The following MCHR2 variants were observed in gnomAD, a reference collection of about 807,000 sequenced individuals.
MCHR2 encodes melanin concentrating hormone receptor 2, also known as melanin-concentrating hormone receptor 2.
MCHR2 carries 15 observed loss-of-function variants against 24.8 expected under a neutral mutation model. That is an observed-to-expected ratio of 0.60 (90% CI 0.40 to 0.93). The LOEUF is 0.93. Ranked by LOEUF, MCHR2 falls within the 40% of genes least tolerant of loss-of-function variation. MCHR2 has a pLI of 0.00. For synonymous variants in MCHR2, 151 were observed against 147.6 expected (o/e 1.02, Z -0.17); for missense variants, 386 against 408.7 (o/e 0.94, Z 0.48).
intron 1 of MCHR2, among the ~76,000 whole-genome samples, chr6:99,977,901 T>C (rs1393037867): frequency 6.6e-6 from 1 of 152,216 alleles, no homozygotes; most frequent in Non-Finnish European, 1.5e-5. Flanking sequence ...ATGATGTTAA[T>C]ATTCAATCTT....
intron 1 of MCHR2, among the ~76,000 whole-genome samples, chr6:99,961,924 C>T (rs1301386689): frequency 2.0e-5 from 3 of 152,098 alleles, no homozygotes; most frequent in Non-Finnish European, 2.9e-5. Context: ...AAATCTATGA[C>T]AGCCAAACTA....
intron 4 of MCHR2, among the ~76,000 whole-genome samples, chr6:99,939,254 C>A (rs1188465793): frequency 6.6e-6 from 1 of 151,990 alleles, no homozygotes; most frequent in Non-Finnish European, 1.5e-5. Context: ...CTTTTGTCTT[C>A]CTTTCTTCTT....
At chr6:99,961,206 T>A (rs2114550869) in intron 1 of MCHR2, among the ~76,000 whole-genome samples, 1 of 151,854 alleles carries the variant, frequency 6.6e-6, no homozygotes, top group African/African-American at 2.4e-5. Context: ...AAAAGCGTTT[T>A]AGGAACACTT....
At chr6:99,956,701 T>A (rs1775068766) in intron 1 of MCHR2, among the ~76,000 whole-genome samples, 1 of 152,102 alleles carries the variant, frequency 6.6e-6, no homozygotes, top group African/African-American at 2.4e-5. Context: ...AAATTAGAGT[T>A]GTGGGAAGGG....
chr6:99,987,041 C>T (rs1775782425), intron 1 of MCHR2, among the ~76,000 whole-genome samples: 1 of 151,886 alleles, frequency 6.6e-6, no homozygotes, highest in African/African-American at 2.4e-5. Flanking sequence ...TAGCTTTGTA[C>T]ATTTTAATGT....
intron 1 of MCHR2, among the ~76,000 whole-genome samples, chr6:99,989,770 C>T (rs1469732476): frequency 6.6e-6 from 1 of 152,118 alleles, no homozygotes; most frequent in East Asian, 1.9e-4. Context: ...AAACTGTACT[C>T]ACCTTCCACT....
intron 1 of MCHR2, among the ~76,000 whole-genome samples, chr6:99,966,321 G>A (rs1775295965): frequency 1.3e-5 from 2 of 152,030 alleles, no homozygotes; most frequent in Admixed American, 6.6e-5. Flanking sequence ...TGTAAATGTT[G>A]GAATTTGAAG....
intron 1 of MCHR2, among the ~76,000 whole-genome samples, chr6:99,975,400 C>G (rs1332960989): frequency 6.6e-6 from 1 of 152,162 alleles, no homozygotes; most frequent in East Asian, 1.9e-4. Context: ...CTCCTGGTGT[C>G]CCGTTTTTTA....
At chr6:99,975,692 G>A (rs1285280512) in intron 1 of MCHR2, among the ~76,000 whole-genome samples, 2 of 152,224 alleles carry the variant, frequency 1.3e-5, no homozygotes, top group Non-Finnish European at 2.9e-5. Flanking sequence ...GACCGGAGCT[G>A]TTCCTATTCA....
intron 4 of MCHR2, among the ~76,000 whole-genome samples, chr6:99,936,050 G>T (rs1290791156): frequency 3.3e-5 from 5 of 151,594 alleles, no homozygotes; most frequent in South Asian, 2.1e-4. Flanking sequence ...GATTATTTGG[G>T]TTTTTTTGCT....
At chr6:99,924,517 A>T (rs961713193) in intron 5 of MCHR2, among the ~76,000 whole-genome samples, 1 of 151,678 alleles carries the variant, frequency 6.6e-6, no homozygotes, top group African/African-American at 2.4e-5. Flanking sequence ...GACATTTTTC[A>T]TCTTTTTGAT....
At chr6:99,990,556 A>G (rs1775854349) in intron 1 of MCHR2, among the ~76,000 whole-genome samples, 1 of 152,194 alleles carries the variant, frequency 6.6e-6, no homozygotes. Flanking sequence ...TGTACGGTAA[A>G]GTTATTTGGA....
At chr6:99,991,808 C>CAAAAAAA (rs3038469) in intron 1 of MCHR2, among the ~76,000 whole-genome samples, 14,342 of 81,190 alleles carry the variant, frequency 0.18, 1,865 homozygotes, top group South Asian at 0.35. Context: ...GACTCCGTCT[C>CAAAAAAA]AAAAAAAAAA....
intron 1 of MCHR2, among the ~76,000 whole-genome samples, chr6:99,960,935 C>G (rs1775170903): frequency 1.3e-5 from 2 of 152,082 alleles, no homozygotes; most frequent in South Asian, 4.1e-4. Context: ...GACTTCATGA[C>G]TAAAATGCCA....
At chr6:99,968,991 T>C (rs1775343640) in intron 1 of MCHR2, among the ~76,000 whole-genome samples, 1 of 152,164 alleles carries the variant, frequency 6.6e-6, no homozygotes, top group East Asian at 1.9e-4. Context: ...GGGAAATTTA[T>C]AGCATAGGTT....
At chr6:99,923,118 G>GT (rs773486451) in intron 5 of MCHR2, among the ~76,000 whole-genome samples, 3 of 151,768 alleles carry the variant, frequency 2.0e-5, no homozygotes, top group Non-Finnish European at 4.4e-5. Flanking sequence ...TCTTTGTTAA[G>GT]TTTTTAGGTA....
At chr6:99,924,093 G>C (rs555786213) in intron 5 of MCHR2, among the ~76,000 whole-genome samples, 8 of 151,948 alleles carry the variant, frequency 5.3e-5, no homozygotes, top group Non-Finnish European at 1.2e-4. Flanking sequence ...TTACTTGTTA[G>C]TGGTCTGTTC....
chr6:99,984,395 AG>A (rs1289911157), intron 1 of MCHR2, among the ~76,000 whole-genome samples: 5 of 151,800 alleles, frequency 3.3e-5, no homozygotes, highest in Admixed American at 6.6e-5. Flanking sequence ...TATCTCCTGA[AG>A]TTATCCCTCC....
intron 1 of MCHR2, among the ~76,000 whole-genome samples, chr6:99,982,483 A>AAAAC (rs1562135888): frequency 6.8e-6 from 1 of 147,784 alleles, no homozygotes; most frequent in Non-Finnish European, 1.5e-5. Flanking sequence ...AAAAAAAAAA[A>AAAAC]AAAAAAAAAG....
Sources: allele counts gnomAD v4.1 joint callset (sites outside exome capture counted in the v4.1 genomes callset), GRCh38; gene constraint gnomAD v4.1.1; transcripts MANE v1.5; gene names NCBI Gene and HGNC (gene_info 2026-07-23, HGNC 2026-07-21).